The following ADGRD2 variants were observed in gnomAD, a reference collection of about 807,000 sequenced individuals.
The protein encoded by ADGRD2 is adhesion G protein-coupled receptor D2.
Under a neutral mutation model 44.4 loss-of-function variants are expected in ADGRD2, and 71 were observed. The ratio of observed to expected loss-of-function variants is 1.60; its 90% CI spans 1.32 to 1.95. The LOEUF (loss-of-function observed/expected upper bound fraction) is 1.95, where lower values mean the gene tolerates loss of function less well. Among genes scored for constraint, ADGRD2 ranks in the 30% most tolerant of loss-of-function variants. The pLI is 0.00. For synonymous variants in ADGRD2, 481 were observed against 224.8 expected, an observed-to-expected ratio of 2.14 and a Z score of -10.19; for missense variants, 1,039 against 512.4, an observed-to-expected ratio of 2.03 and a Z score of -9.92.
upstream of ADGRD2, among the ~76,000 whole-genome samples, chr9:124,450,859 G>C (rs1831453735): frequency 1.3e-5 from 2 of 152,236 alleles, no homozygotes; most frequent in South Asian, 4.1e-4. Context: ...GTGGCATGAG[G>C]CCAGGTGTCA....
intron 9 of ADGRD2, 87 bp downstream of exon 12, chr9:124,458,323 T>C: frequency 1.5e-6 from 1 of 682,790 alleles, no homozygotes; most frequent in Non-Finnish European, 2.7e-6. Context: ...GGCGCATGTG[T>C]CCTTAGCAGC....
Position 124,476,918 on chromosome 9 carries a change from G to A in ADGRD2, c.*18+209G>A, listed in dbSNP as rs183540850. 866 of 705,594 alleles carry A rather than the reference G, an allele frequency of 1.2e-3. 2 individuals carry two copies. Among genetic ancestry groups the A allele is most frequent in the Admixed American group, 2.2e-3 (108 of 49,850 alleles). The allele number at this position is 705,594 out of a possible 1,614,324, so 43.7% of individuals were successfully genotyped here. A position where few individuals can be genotyped will look rare whatever the true frequency, so the allele number is the denominator to read the frequency against. On this transcript the variant is annotated intron_variant, in intron 21 of 21. Coordinates refer to ENST00000334810, the Ensembl canonical transcript of ADGRD2. Reference sequence around the variant, plus strand: ...CCCCTTGGGAGGACTTCATTAGAGAGTAGGTCATGGAACCCTATTCTGAGC... The same window carrying A: ...CCCCTTGGGAGGACTTCATTAGAGAATAGGTCATGGAACCCTATTCTGAGC...
chr9:124,465,538 G>C (rs1831804081), intron 10 of ADGRD2: 2 of 152,148 alleles, frequency 1.3e-5, no homozygotes, highest in Non-Finnish European at 2.9e-5. Flanking sequence ...TTTTAGTAGA[G>C]ACAGGGTTTT....
chr9:124,475,298 A>T, intron 17 of ADGRD2, 148 bp from the exon 21 acceptor site: 2 of 586,458 alleles, frequency 3.4e-6, no homozygotes, highest in Non-Finnish European at 6.1e-6. Context: ...GCACGAGGGC[A>T]GGGCCGACTT....
intron 10 of ADGRD2, among the ~76,000 whole-genome samples, chr9:124,460,389 T>TATATATA (rs1554718953): frequency 7.8e-4 from 21 of 26,890 alleles, no homozygotes; most frequent in East Asian, 4.5e-3. Context: ...TATATATATA[T>TATATATA]TTTTTTTTAG....
intron 21 of ADGRD2, chr9:124,476,996 C>T (rs1832060176): frequency 3.0e-6 from 2 of 663,176 alleles, no homozygotes; most frequent in African/African-American, 3.6e-5. Flanking sequence ...TCTCTCTGCC[C>T]AGGGGGGCGC....
At chr9:124,472,456 GTTTTTTGTTTGT>G (rs1034439597) in intron 17 of ADGRD2, among the ~76,000 whole-genome samples, 9 of 21,632 alleles carry the variant, frequency 4.2e-4, no homozygotes, top group African/African-American at 5.9e-4. Context: ...TTGTTTGTTT[GTTTTTTGTTTGT>G]TTTTTGTTTT....
intron 10 of ADGRD2, among the ~76,000 whole-genome samples, chr9:124,462,126 C>T (rs999726004): frequency 6.6e-6 from 1 of 151,904 alleles, no homozygotes; most frequent in Non-Finnish European, 1.5e-5. Flanking sequence ...GGTACGAACA[C>T]GGCTCACTGT....
chr9:124,454,101 C>T lies in ADGRD2; in HGVS notation c.1022+4C>T. 1 of 695,124 alleles carries T rather than the reference C, an allele frequency of 1.4e-6. No homozygotes were observed. Among genetic ancestry groups the T allele is most frequent in the East Asian group, 2.7e-5 (1 of 37,146 alleles). 43.1% of individuals were successfully genotyped at this position (695,124 alleles called of 1,614,324 possible). A position where few individuals can be genotyped will look rare whatever the true frequency, so the allele number is the denominator to read the frequency against. ...TTCCTCTGCTGCTACCGGACAGGTG[C>T]GCCCTGGCTGTACCCCTGGGCTCTG... On this transcript the variant is annotated splice_donor_region_variant and intron_variant, in intron 4 of 21. Coordinates refer to ENST00000334810, the Ensembl canonical transcript of ADGRD2. This position sits in a 1 kb window ranked among gnomAD's most constrained non-coding sequence, Gnocchi z 4.5.
intron 17 of ADGRD2, among the ~76,000 whole-genome samples, chr9:124,473,484 C>T (rs73592141): frequency 0.04 from 6,149 of 152,288 alleles, 389 homozygotes; most frequent in African/African-American, 0.14. Flanking sequence ...GTTCAGCTGA[C>T]GTAACATTTG....
At chr9:124,466,342 C>A (rs1296508420) in exon 11 of ADGRD2, 2 of 717,770 alleles carry the variant, frequency 2.8e-6, no homozygotes, top group East Asian at 5.4e-5. Flanking sequence ...TGCCCTGTAC[C>A]TGGACTCCAC....
At chr9:124,467,610 ACTGTGGAGG>A in intron 11 of ADGRD2, 102 bp from the exon 15 acceptor site, 2 of 663,642 alleles carry the variant, frequency 3.0e-6, no homozygotes, top group Middle Eastern at 7.1e-4. Flanking sequence ...CTGCTGCTGC[ACTGTGGAGG>A]CGAATGCGGC....
intron 10 of ADGRD2, 58 bp downstream of exon 13, chr9:124,458,779 C>A: frequency 1.4e-6 from 1 of 700,166 alleles, no homozygotes; most frequent in Non-Finnish European, 2.7e-6. Context: ...TGGTTCAGTT[C>A]CCCCAACCCC....
rs769407086 is a variant in ADGRD2, at chr9:124,476,425, G to A, written c.2904+10G>A. On this transcript the variant is annotated intron_variant, in intron 20 of 21. Coordinates refer to ENST00000334810, the Ensembl canonical transcript of ADGRD2. ...AAACCCGGAGAGACAGGTGAGGCTG[G>A]GACAGGGTGGGCCGCACAGGGCTCT... is the stretch of plus-strand genomic sequence containing the variant. The A allele has an allele frequency of 5.7e-6, 4 of 701,660 alleles. No individual in the cohort carries two copies. Among genetic ancestry groups the A allele is most frequent in the South Asian group, 1.5e-5 (1 of 67,550 alleles). The allele number at this position is 701,660 out of a possible 1,614,324, so 43.5% of individuals were successfully genotyped here.
At chr9:124,472,128 C>A (rs1450708907) in intron 17 of ADGRD2, among the ~76,000 whole-genome samples, 1 of 143,666 alleles carries the variant, frequency 7.0e-6, no homozygotes, top group Non-Finnish European at 1.5e-5. Context: ...AGAGACACAG[C>A]CATGGGGCAA....
chr9:124,470,595 T>C (rs1200414639), exon 17 of ADGRD2: 1 of 707,666 alleles, frequency 1.4e-6, no homozygotes, highest in Non-Finnish European at 2.6e-6. Flanking sequence ...TACGCTGCCG[T>C]GGGCCTCAAC....
At chr9:124,451,576 C>T (rs752467158), upstream of ADGRD2, 3 of 284,590 alleles carry the variant, frequency 1.1e-5, no homozygotes, top group East Asian at 1.0e-4. Flanking sequence ...AGGCAGGATG[C>T]CCAGCTGCTT....
In ADGRD2 at chr9:124,474,636, G is replaced by A. The variant is rs181027998; in HGVS notation, c.2759-810G>A. 3.9e-5 allele frequency among the ~76,000 whole-genome samples: 6 copies of A among 152,262 alleles called. No homozygotes were observed. The East Asian group carries it at 7.7e-4, about 20-fold the overall frequency. ...TCCAGGCCCCCACCTGTGTCCTCCC[G>A]CCTGGGCCGCAGCACAGAAGCAGCT... On this transcript the variant is annotated intron_variant, in intron 17 of 21. Coordinates refer to ENST00000334810, the Ensembl canonical transcript of ADGRD2.
At position 124,454,250 on chromosome 9, in the gene ADGRD2, G is replaced by A. The variant is rs1015089184; in HGVS notation, c.1022+153G>A. ...ATGGAGTCTAGGCCACAGAGCAGTGGGTCCAGACGGACCTAAGGGTGAATC... is the reference window on the plus strand; with the variant it reads ...ATGGAGTCTAGGCCACAGAGCAGTGAGTCCAGACGGACCTAAGGGTGAATC... On this transcript the variant is annotated intron_variant, in intron 4 of 21. Transcript: ENST00000334810. This position sits in a 1 kb window ranked among gnomAD's most constrained non-coding sequence, Gnocchi z 4.5. Among the ~76,000 whole-genome samples the A allele has an allele frequency of 7.2e-5, 11 of 152,202 alleles. 1 individual carries two copies. Among genetic ancestry groups the A allele is most frequent in the Admixed American group, 5.9e-4 (9 of 15,284 alleles).
Sources: allele counts gnomAD v4.1 joint callset (sites outside exome capture counted in the v4.1 genomes callset), GRCh38; gene constraint gnomAD v4.1.1; non-coding constraint Gnocchi (gnomAD v3.1); transcripts MANE v1.5; gene names NCBI Gene and HGNC (gene_info 2026-07-23, HGNC 2026-07-21).